The following NAALADL2 variants were observed in gnomAD, a reference collection of about 807,000 sequenced individuals.
NAALADL2 encodes inactive N-acetylated-alpha-linked acidic dipeptidase-like protein 2.
A neutral mutation model predicts 87.2 loss-of-function variants in NAALADL2; 76 were observed. That is an observed-to-expected ratio of 0.87 (90% CI 0.72 to 1.05). NAALADL2 has a LOEUF of 1.05. NAALADL2 is among the 50% of genes least tolerant of loss of function. NAALADL2 has a pLI of 0.00. For missense variants in NAALADL2, 1,089 were observed against 945.8 expected, an observed-to-expected ratio of 1.15 and a Z score of -1.99; for synonymous variants, 354 against 331.0, an observed-to-expected ratio of 1.07 and a Z score of -0.75.
At chr3:175,696,346 A>G (rs544963581) in intron 11 of NAALADL2, among the ~76,000 whole-genome samples, 1 of 152,256 alleles carries the variant, frequency 6.6e-6, no homozygotes, top group South Asian at 2.1e-4. Context: ...AAGTAGTGTT[A>G]TGAAAGAAAT....
intron 2 of NAALADL2, among the ~76,000 whole-genome samples, chr3:175,151,050 G>A (rs561675656): frequency 6.6e-6 from 1 of 152,278 alleles, no homozygotes; most frequent in South Asian, 2.1e-4. Flanking sequence ...TTTAAACAAT[G>A]AATCATACTT....
intron 11 of NAALADL2, among the ~76,000 whole-genome samples, chr3:175,668,663 C>A (rs1357037567): frequency 6.6e-6 from 1 of 152,090 alleles, no homozygotes; most frequent in Non-Finnish European, 1.5e-5. Flanking sequence ...TGATTTCTGT[C>A]CCCTTTGCAA....
chr3:175,234,124 T>C lies in NAALADL2; in HGVS notation c.739T>C (p.Cys247Arg). 1 of 1,613,906 alleles carries C rather than the reference T, an allele frequency of 6.2e-7. No individual in the cohort carries two copies. Among genetic ancestry groups the C allele is most frequent in the Non-Finnish European group, 8.5e-7 (1 of 1,179,838 alleles). ...GQCFHPNGQP[C>R]SEEARKDSSQ... ...ATGCTTTCATCCTAATGGCCAGCCTTGCAGTGAAGAAGCCAGAAAAGATAG... is the reference window on the plus strand; with the variant it reads ...ATGCTTTCATCCTAATGGCCAGCCTCGCAGTGAAGAAGCCAGAAAAGATAG... Residue 247 changes from cysteine (C) to arginine (R), a missense_variant, in exon 3 of 14, where the codon TGC (cysteine) becomes CGC (arginine). Physicochemically the swap from Cys to Arg is radical, Grantham distance 180. Transcript: ENST00000454872.
chr3:175,770,185 T>C (rs1435370199), intron 13 of NAALADL2, among the ~76,000 whole-genome samples: 3 of 152,154 alleles, frequency 2.0e-5, no homozygotes, highest in Non-Finnish European at 4.4e-5. Flanking sequence ...ACAGAGATCA[T>C]GTTGGTGGGA....
chr3:175,453,567 T>C (rs1721890881), intron 6 of NAALADL2, among the ~76,000 whole-genome samples: 1 of 152,158 alleles, frequency 6.6e-6, no homozygotes, highest in Non-Finnish European at 1.5e-5. Context: ...GGCACTTGTG[T>C]GCTATTTGGC....
chr3:175,192,239 A>T (rs892450720), intron 2 of NAALADL2, among the ~76,000 whole-genome samples: 3 of 152,080 alleles, frequency 2.0e-5, no homozygotes, highest in Non-Finnish European at 2.9e-5. Flanking sequence ...AGTTATTTAT[A>T]AATAAAGTAA....
intron 10 of NAALADL2, among the ~76,000 whole-genome samples, chr3:175,610,675 A>T (rs559281961): frequency 3.3e-5 from 5 of 152,060 alleles, no homozygotes; most frequent in Non-Finnish European, 7.4e-5. Context: ...ATTTTTGATC[A>T]TGTGTGTTTC....
intron 10 of NAALADL2, among the ~76,000 whole-genome samples, chr3:175,580,611 A>G (rs1719624458): frequency 6.6e-6 from 1 of 152,190 alleles, no homozygotes; most frequent in South Asian, 2.1e-4. Flanking sequence ...AATCTGTTTC[A>G]TGTGGGTAAC....
intron 1 of NAALADL2, among the ~76,000 whole-genome samples, chr3:174,991,444 A>T (rs1366170520): frequency 7.5e-6 from 1 of 133,422 alleles, no homozygotes; most frequent in Non-Finnish European, 1.5e-5. Flanking sequence ...AAAATGATTT[A>T]TAAAAACATA....
intron 1 of NAALADL2, among the ~76,000 whole-genome samples, chr3:174,947,126 A>G (rs1415464180): frequency 6.6e-6 from 1 of 152,168 alleles, no homozygotes; most frequent in Non-Finnish European, 1.5e-5. Context: ...TAGTGCATTT[A>G]TCTCTAGGAG....
At chr3:175,216,044 T>A (rs1742466183) in intron 2 of NAALADL2, among the ~76,000 whole-genome samples, 1 of 152,172 alleles carries the variant, frequency 6.6e-6, no homozygotes, top group African/African-American at 2.4e-5. Context: ...TTTGTAATCA[T>A]CCTTTCCAAA....
At chr3:174,547,088 G>T (rs1156484971) in intron 1 of NAALADL2, among the ~76,000 whole-genome samples, 2 of 151,940 alleles carry the variant, frequency 1.3e-5, no homozygotes, top group African/African-American at 2.4e-5. Flanking sequence ...GTTTTTGTTG[G>T]TTCACAAACT....
chr3:175,585,245 C>T lies in NAALADL2; in HGVS notation c.1800+9058C>T, dbSNP rs1227314817. On this transcript the variant is annotated intron_variant, in intron 10 of 13. Coordinates refer to ENST00000454872, the MANE Select transcript of NAALADL2 (RefSeq NM_207015.3). Reference sequence around the variant, plus strand: ...CACAGCATTAGGATCTTCAAGACCTCATTAGGCAACAGGAACTTTTCAGTA... The same window carrying T: ...CACAGCATTAGGATCTTCAAGACCTTATTAGGCAACAGGAACTTTTCAGTA... Among the ~76,000 whole-genome samples, 4 of 152,102 alleles carry T rather than the reference C, an allele frequency of 2.6e-5. No homozygotes were observed. In the East Asian group the frequency reaches 7.7e-4, roughly 29 times the overall value.
intron 5 of NAALADL2, among the ~76,000 whole-genome samples, chr3:175,377,396 ATTG>A (rs954289321): frequency 1.3e-5 from 2 of 152,066 alleles, no homozygotes; most frequent in African/African-American, 2.4e-5. Context: ...GTTTTTTTTA[ATTG>A]TTGTTCTTAC....
intron 3 of NAALADL2, among the ~76,000 whole-genome samples, chr3:175,251,983 A>G (rs146770424): frequency 1.0e-3 from 156 of 152,306 alleles, no homozygotes; most frequent in Non-Finnish European, 1.8e-3. Context: ...AAACACTTTG[A>G]TTTATTAACA....
intron 5 of NAALADL2, among the ~76,000 whole-genome samples, chr3:175,335,130 G>A (rs181638181): frequency 1.4e-4 from 21 of 152,248 alleles, no homozygotes; most frequent in Non-Finnish European, 2.5e-4. Context: ...CACGTCTACC[G>A]CGTCTACTGA....
chr3:175,661,496 A>G (rs755890104), intron 11 of NAALADL2, among the ~76,000 whole-genome samples: 2 of 151,956 alleles, frequency 1.3e-5, no homozygotes, highest in Non-Finnish European at 2.9e-5. Flanking sequence ...GCTGTGCTGA[A>G]GCTTTTTAGC....
chr3:174,901,917 A>C (rs1732363003), intron 1 of NAALADL2, among the ~76,000 whole-genome samples: 1 of 152,176 alleles, frequency 6.6e-6, no homozygotes, highest in South Asian at 2.1e-4. Flanking sequence ...AGAACAAGAG[A>C]CTGTAAATGT....
Position 174,620,693 on chromosome 3 carries a change from A to C in NAALADL2, c.-115+70056A>C, listed in dbSNP as rs143639487. On this transcript the variant is annotated intron_variant, in intron 2 of 3. Coordinates refer to the NAALADL2 transcript ENST00000434257. ...GAACTAGGAAAATCTTGTAGGTACC[A>C]AGGGTTCAGGAGATCAAAATGGGAC... 2.5e-3 allele frequency among the ~76,000 whole-genome samples: 375 copies of C among 152,166 alleles called. 2 individuals are homozygous for C. Among genetic ancestry groups the C allele is most frequent in the African/African-American group, 8.6e-3 (358 of 41,566 alleles).
Sources: allele counts gnomAD v4.1 joint callset (sites outside exome capture counted in the v4.1 genomes callset), GRCh38; gene constraint gnomAD v4.1.1; transcripts MANE v1.5; gene names NCBI Gene and HGNC (gene_info 2026-07-23, HGNC 2026-07-21).